SCN7A: variants seen among roughly 807,000 people sequenced by gnomAD.
SCN7A encodes sodium channel protein type 7 subunit alpha.
In SCN7A, 138 loss-of-function variants were observed where a neutral mutation model predicts 155.2. The observed-to-expected ratio is 0.89, with a 90% confidence interval of 0.77 to 1.02. The LOEUF (loss-of-function observed/expected upper bound fraction) is 1.02. Among genes scored for constraint, SCN7A ranks in the 50% least tolerant of loss-of-function variants. The pLI, the probability that SCN7A is intolerant of heterozygous loss-of-function variation, is 0.00. For missense variants in SCN7A, 2,058 were observed against 1,986.6 expected, an observed-to-expected ratio of 1.04 and a Z score of -0.68; for synonymous variants, 693 against 649.0, an observed-to-expected ratio of 1.07 and a Z score of -1.03.
Position 166,447,724 on chromosome 2 carries a change from A to G in SCN7A, c.1291-16T>C. On this transcript the variant is annotated splice_polypyrimidine_tract_variant and intron_variant, in intron 11 of 25. Coordinates refer to ENST00000643258, the MANE Select transcript of SCN7A (RefSeq NM_002976.4). ...TGGTCTTGGCCTGAAAAGGAATTTG[A>G]TGGTTTAATACTGGCTTCCTGTCTT... 1 of 1,576,248 alleles carries G rather than the reference A, an allele frequency of 6.3e-7. No individual in the cohort carries two copies. The highest frequency in any genetic ancestry group is 2.2e-5 in the East Asian group (1 of 44,556).
chr2:166,474,287 AG>A lies in SCN7A; in HGVS notation c.291del (p.Leu98CysfsTer28). On this transcript the variant is annotated frameshift_variant, in exon 4 of 26. Coordinates refer to ENST00000643258, the MANE Select transcript of SCN7A (RefSeq NM_002976.4). LOFTEE classifies it high-confidence loss of function. ...CAATTGAAAGGAGACAATGTACACAAGATGGAAGCCGCATTGAATCTGAAGA... is the reference window on the plus strand; with the variant it reads ...CAATTGAAAGGAGACAATGTACACAAATGGAAGCCGCATTGAATCTGAAGA... ...RTIFRFNAAS[I>X]LCTLSPFNCI... 6.5e-7 allele frequency: 1 copy of A among 1,530,724 alleles called. No individual in the cohort carries two copies. The highest frequency in any genetic ancestry group is 8.8e-7 in the Non-Finnish European group (1 of 1,134,230). 94.8% of individuals were successfully genotyped at this position (1,530,724 alleles called of 1,614,324 possible).
intron 1 of SCN7A, among the ~76,000 whole-genome samples, chr2:166,493,133 T>G (rs1470590307): frequency 2.0e-5 from 3 of 152,184 alleles, no homozygotes; most frequent in African/African-American, 7.2e-5. Context: ...TTCCTTCTAC[T>G]TTGCCATAAA....
chr2:166,447,046 A>C (rs767785225), intron 12 of SCN7A, among the ~76,000 whole-genome samples: 2 of 152,212 alleles, frequency 1.3e-5, no homozygotes, highest in African/African-American at 4.8e-5. Flanking sequence ...TTAATTTAAA[A>C]AAATCTGTGT....
chr2:166,439,953 A>T (rs1366906068), intron 15 of SCN7A, among the ~76,000 whole-genome samples: 1 of 152,186 alleles, frequency 6.6e-6, no homozygotes, highest in African/African-American at 2.4e-5. Context: ...TGGGAAATGT[A>T]CTTGATCTTT....
Position 166,432,688 on chromosome 2 carries a change from T to A in SCN7A, c.2222A>T (p.Glu741Val), listed in dbSNP as rs1323260334. ...CTGGAGATTTTTTGCTTCATTATTC[T>A]CTTCAGCTGTTACATCCTTGCATGA... is the stretch of plus-strand genomic sequence containing the variant. Reference protein sequence around the residue: ...FSSCKDVTAEENNEAKNLQLA... With the variant: ...FSSCKDVTAEVNNEAKNLQLA... The change falls in exon 16 of 26, where the codon GAG becomes GTG. Residue 741 changes from glutamate to valine, a missense_variant. Coordinates refer to ENST00000643258, the MANE Select transcript of SCN7A (RefSeq NM_002976.4). The A allele has an allele frequency of 6.3e-7, 1 of 1,599,180 alleles. No individual in the cohort carries two copies. Among genetic ancestry groups the A allele is most frequent in the Admixed American group, 1.7e-5 (1 of 57,644 alleles).
At chr2:166,429,027 T>C (rs915397231) in intron 17 of SCN7A, 142 bp downstream of exon 17, 1 of 541,882 alleles carries the variant, frequency 1.8e-6, no homozygotes, top group African/African-American at 2.0e-5. Context: ...GTTGTAATGG[T>C]GACACTTGTA....
rs774022412 is a variant in SCN7A, at chr2:166,441,447, T to C, written c.2106A>G (p.Gln702=). Residue 702 remains glutamine, a synonymous_variant, in exon 15 of 26, where the codon CAA becomes CAG. Transcript: ENST00000643258. ...TCAGGTAAAAAGGAATACACCAGGATTGGCCTGCAACCTCCATACAGTCCC... is the reference window on the plus strand; with the variant it reads ...TCAGGTAAAAAGGAATACACCAGGACTGGCCTGCAACCTCCATACAGTCCC... ...TLWDCMEVAG[Q]SWCIPFYLMV... is the part of the protein sequence containing the mutation. 2.5e-6 allele frequency: 4 copies of C among 1,612,924 alleles called. No homozygotes were observed. Among genetic ancestry groups the C allele is most frequent in the East Asian group, 2.2e-5 (1 of 44,842 alleles).
intron 2 of SCN7A, among the ~76,000 whole-genome samples, chr2:166,478,970 C>A (rs1182668227): frequency 1.3e-5 from 2 of 151,970 alleles, no homozygotes; most frequent in African/African-American, 4.8e-5. Flanking sequence ...ATTTACTCTT[C>A]CAATGATTCT....
At position 166,452,603 on chromosome 2, in the gene SCN7A, T is replaced by A. The variant is rs149957928; in HGVS notation, c.1290+4267A>T. Reference sequence around the variant, plus strand: ...TCATTTTAATGTGGCAAATATTTTTTAAAAATATTTGTATTTCTACAATTT... The same window carrying A: ...TCATTTTAATGTGGCAAATATTTTTAAAAAATATTTGTATTTCTACAATTT... On this transcript the variant is annotated intron_variant, in intron 11 of 25. Coordinates refer to ENST00000643258, the MANE Select transcript of SCN7A (RefSeq NM_002976.4). Among the ~76,000 whole-genome samples, 518 of 152,298 alleles carry A rather than the reference T, an allele frequency of 3.4e-3. 2 individuals carry two copies. The highest frequency in any genetic ancestry group is 4.8e-3 in the Non-Finnish European group (325 of 68,004).
chr2:166,431,615 A>G (rs561711706), intron 16 of SCN7A, among the ~76,000 whole-genome samples: 15 of 152,194 alleles, frequency 9.9e-5, no homozygotes, highest in African/African-American at 3.6e-4. Context: ...AATGGAGACA[A>G]TAAGACTGTT....
chr2:166,493,465 C>A (rs944063857), intron 1 of SCN7A, among the ~76,000 whole-genome samples: 26 of 152,288 alleles, frequency 1.7e-4, no homozygotes, highest in African/African-American at 6.3e-4. Flanking sequence ...TACCAAAATG[C>A]CCAACTGACT....
In SCN7A at chr2:166,424,606, T is replaced by C. The variant is rs114669362; in HGVS notation, c.2854-1174A>G. On this transcript the variant is annotated intron_variant, in intron 18 of 25. Coordinates refer to ENST00000643258, the MANE Select transcript of SCN7A (RefSeq NM_002976.4). ...CATAATAATAGAGGGATCAGTACTATAAGTATACATCTGTATGTCCAAAAT... is the reference window on the plus strand; with the variant it reads ...CATAATAATAGAGGGATCAGTACTACAAGTATACATCTGTATGTCCAAAAT... 4.8e-3 allele frequency among the ~76,000 whole-genome samples: 723 copies of C among 152,124 alleles called. 8 individuals carry two copies. The highest frequency in any genetic ancestry group is 8.6e-3 in the Non-Finnish European group (585 of 67,996).
chr2:166,434,857 AC>A (rs1249480175), intron 15 of SCN7A, among the ~76,000 whole-genome samples: 1 of 152,148 alleles, frequency 6.6e-6, no homozygotes, highest in Non-Finnish European at 1.5e-5. Context: ...TAATTAGACA[AC>A]CAGCACACTG....
At chr2:166,430,951 C>T (rs964822939) in intron 16 of SCN7A, among the ~76,000 whole-genome samples, 1 of 151,838 alleles carries the variant, frequency 6.6e-6, no homozygotes, top group African/African-American at 2.4e-5. Flanking sequence ...TAAATGAATA[C>T]ATCTTTTGTG....
intron 7 of SCN7A, among the ~76,000 whole-genome samples, chr2:166,469,269 T>C (rs917367096): frequency 6.6e-6 from 1 of 151,740 alleles, no homozygotes; most frequent in Non-Finnish European, 1.5e-5. Context: ...GATGCACTTA[T>C]AATACTATTT....
At chr2:166,482,037 C>T (rs185140687) in intron 2 of SCN7A, among the ~76,000 whole-genome samples, 3 of 152,078 alleles carry the variant, frequency 2.0e-5, no homozygotes, top group African/African-American at 7.2e-5. Context: ...TGGGATGATC[C>T]GAATATTGGT....
At chr2:166,464,608 G>GT (rs1319923424) in intron 9 of SCN7A, among the ~76,000 whole-genome samples, 2 of 152,112 alleles carry the variant, frequency 1.3e-5, no homozygotes, top group African/African-American at 2.4e-5. Context: ...AAATATCAGC[G>GT]TATCTTTTTA....
In SCN7A at chr2:166,419,527, T is replaced by C. The variant is rs576008214; in HGVS notation, c.3135+1663A>G. 3.4e-4 allele frequency among the ~76,000 whole-genome samples: 51 copies of C among 151,988 alleles called. 1 individual carries two copies. The highest frequency in any genetic ancestry group is 1.2e-3 in the African/African-American group (51 of 41,504). ...GGACTACACTTGCACACACCACACC[T>C]GGCTAATTTTTGTATTTTTTGTAGA... On this transcript the variant is annotated intron_variant, in intron 20 of 25. Coordinates refer to ENST00000643258, the MANE Select transcript of SCN7A (RefSeq NM_002976.4).
rs1575013212 is a variant in SCN7A at position 166,423,349 on chromosome 2, G to A, written c.2937C>T (p.Phe979=). ...TCCATTTTAGAAGCATTTCCAGAAT[G>A]AAGATATAAGTAAAGATCATGTCAG... ...EYADMIFTYI[F]ILEMLLKWMA... The change falls in exon 19 of 26, where the codon TTC becomes TTT. Residue 979 remains phenylalanine (F), a synonymous_variant. Transcript: ENST00000643258. 1 of 1,612,082 alleles carries A rather than the reference G, an allele frequency of 6.2e-7. No homozygotes were observed. Among genetic ancestry groups the A allele is most frequent in the Admixed American group, 1.7e-5 (1 of 59,730 alleles).
Sources: gnomAD v4.1 joint callset for allele counts (sites outside exome capture counted in the v4.1 genomes callset) on GRCh38, gnomAD v4.1.1 for gene constraint, MANE v1.5 for transcripts, NCBI Gene and HGNC (gene_info 2026-07-23, HGNC 2026-07-21) for gene names.